Variants in LRP1B observed in about 807,000 individuals in gnomAD.
LRP1B encodes the protein LDL receptor related protein 1B.
In LRP1B, 217 loss-of-function variants were observed where a neutral mutation model predicts 556.6. That is an observed-to-expected ratio of 0.39 (90% CI 0.35 to 0.44). The LOEUF is 0.44. Ranked by LOEUF, LRP1B falls within the 20% of genes least tolerant of loss-of-function variation. The pLI is 1.00. For missense variants in LRP1B, 5,053 were observed against 5,620.8 expected (o/e 0.90, Z 3.23); for synonymous variants, 2,047 against 1,865.8 (o/e 1.10, Z -2.50).
intron 83 of LRP1B, among the ~76,000 whole-genome samples, chr2:140,304,555 G>A (rs1443313971): frequency 1.3e-5 from 2 of 152,130 alleles, no homozygotes; most frequent in South Asian, 2.1e-4. Flanking sequence ...GTGGATTGTA[G>A]CACTTTGTCG....
intron 3 of LRP1B, among the ~76,000 whole-genome samples, chr2:141,426,843 T>C (rs1211264035): frequency 6.6e-6 from 1 of 152,226 alleles, no homozygotes; most frequent in Admixed American, 6.5e-5. Context: ...TTTATTTTCT[T>C]ATTAGATTTT....
chr2:140,353,908 T>C (rs1437263215), intron 75 of LRP1B, among the ~76,000 whole-genome samples: 1 of 152,032 alleles, frequency 6.6e-6, no homozygotes, highest in Non-Finnish European at 1.5e-5. Context: ...GGTTATGTGA[T>C]GTGAATTAAG....
intron 3 of LRP1B, among the ~76,000 whole-genome samples, chr2:141,377,203 T>G (rs2104879520): frequency 6.6e-6 from 1 of 152,260 alleles, no homozygotes; most frequent in Non-Finnish European, 1.5e-5. Context: ...TCCAAATTTG[T>G]TTCCCGATCA....
chr2:141,142,271 TA>T (rs754994712), intron 7 of LRP1B, among the ~76,000 whole-genome samples: 7 of 152,160 alleles, frequency 4.6e-5, no homozygotes, highest in African/African-American at 1.2e-4. Context: ...TCTAGACTCT[TA>T]GACAAAACAC....
intron 1 of LRP1B, among the ~76,000 whole-genome samples, chr2:141,912,428 A>G (rs1046735890): frequency 6.6e-6 from 1 of 152,160 alleles, no homozygotes; most frequent in African/African-American, 2.4e-5. Context: ...TATCGCAGCA[A>G]AAGGGGTCGA....
intron 15 of LRP1B, among the ~76,000 whole-genome samples, chr2:141,005,061 A>G (rs1261361961): frequency 6.6e-6 from 1 of 152,054 alleles, no homozygotes; most frequent in Non-Finnish European, 1.5e-5. Flanking sequence ...CACTGCTTAT[A>G]GTGAAGTTCT....
chr2:140,881,939 G>T (rs1306506229), intron 25 of LRP1B, among the ~76,000 whole-genome samples: 2 of 152,096 alleles, frequency 1.3e-5, no homozygotes, highest in African/African-American at 2.4e-5. Flanking sequence ...GTTGATCCTA[G>T]CATTGTCAAT....
chr2:141,726,311 G>A lies in LRP1B; in HGVS notation c.205+83968C>T, dbSNP rs569394378. On this transcript the variant is annotated intron_variant, in intron 2 of 90. Coordinates refer to ENST00000389484, the MANE Select transcript of LRP1B (RefSeq NM_018557.3). ...TAATTATTATAATCTCTGGGTAAGA[G>A]GTAATTTTAAAAAAAAATTATTTTG... Among the ~76,000 whole-genome samples the A allele has an allele frequency of 1.1e-4, 17 of 150,654 alleles. No individual in the cohort carries two copies. The East Asian group carries it at 3.3e-3, about 29-fold the overall frequency.
At chr2:141,068,557 C>CAAA (rs564540035) in intron 7 of LRP1B, among the ~76,000 whole-genome samples, 3,184 of 71,498 alleles carry the variant, frequency 0.045, 35 homozygotes, top group Middle Eastern at 0.087. Flanking sequence ...ATGTGGTTGG[C>CAAA]AAAAAAAAAA....
chr2:140,739,664 T>G (rs1349892805), intron 35 of LRP1B, among the ~76,000 whole-genome samples: 2 of 152,194 alleles, frequency 1.3e-5, no homozygotes, highest in Non-Finnish European at 2.9e-5. Context: ...AGATAATATA[T>G]TTGGATATTG....
At position 140,770,888 on chromosome 2, in the gene LRP1B, T is replaced by C; in HGVS notation, c.5619A>G (p.Ser1873=). 2 of 1,554,034 alleles carry C rather than the reference T, an allele frequency of 1.3e-6. No individual in the cohort carries two copies. Among genetic ancestry groups the C allele is most frequent in the Non-Finnish European group, 1.7e-6 (2 of 1,157,754 alleles). The part of the protein sequence containing the change: ...VGYYLQKNRM[S]CQGIESFLMY... ...TTTTTCATGAACTCATACCTTGACATGACATACGGTTCTTTTGGAGATAAT... is the reference window on the plus strand; with the variant it reads ...TTTTTCATGAACTCATACCTTGACACGACATACGGTTCTTTTGGAGATAAT... Residue 1873 remains serine, a synonymous_variant, in exon 34 of 91, where the codon TCA becomes TCG. Transcript: ENST00000389484.
Position 140,331,117 on chromosome 2 carries a change from CAT to C in LRP1B, c.12223+3334_12223+3335del, listed in dbSNP as rs1183274943. 6.6e-5 allele frequency among the ~76,000 whole-genome samples: 10 copies of C among 152,200 alleles called. No homozygotes were observed. In the East Asian group the frequency reaches 1.6e-3, roughly 24 times the overall value. On this transcript the variant is annotated intron_variant, in intron 79 of 90. Transcript: ENST00000389484. ...AATAATTCTATTGTAAAGATACACA[CAT>C]GTGTATGTTCACTGTAGCACTGGTC...
At chr2:141,656,539 C>T (rs1690016286) in intron 2 of LRP1B, among the ~76,000 whole-genome samples, 1 of 152,000 alleles carries the variant, frequency 6.6e-6, no homozygotes, top group Non-Finnish European at 1.5e-5. Context: ...TATTTCTATA[C>T]CTGGTATTGA....
chr2:140,617,890 G>GA (rs1203611607), intron 41 of LRP1B, among the ~76,000 whole-genome samples: 54 of 151,866 alleles, frequency 3.6e-4, no homozygotes, highest in Non-Finnish European at 2.5e-4. Flanking sequence ...ATTCTTTTGA[G>GA]AAAAAATTGA....
intron 2 of LRP1B, among the ~76,000 whole-genome samples, chr2:141,518,050 C>G (rs1254715317): frequency 1.3e-5 from 2 of 151,758 alleles, no homozygotes; most frequent in African/African-American, 4.8e-5. Flanking sequence ...ATTTACAAAA[C>G]TGTGGGAAAG....
intron 2 of LRP1B, among the ~76,000 whole-genome samples, chr2:141,564,370 G>T (rs1201998663): frequency 6.6e-6 from 1 of 152,124 alleles, no homozygotes; most frequent in Non-Finnish European, 1.5e-5. Flanking sequence ...TAGCAAAGCA[G>T]ATGTTCATTG....
At chr2:141,061,925 A>C (rs1699347498) in intron 8 of LRP1B, 126 bp downstream of exon 8, 1 of 718,882 alleles carries the variant, frequency 1.4e-6, no homozygotes, top group Non-Finnish European at 2.4e-6. Flanking sequence ...CAATATAGGA[A>C]ATATACTGTA....
chr2:140,243,093 TA>T (rs1423741245), intron 87 of LRP1B, among the ~76,000 whole-genome samples: 1 of 150,756 alleles, frequency 6.6e-6, no homozygotes, highest in East Asian at 2.0e-4. Context: ...TGACTGTGGA[TA>T]GGGGGCAGTG....
chr2:141,880,955 G>C (rs59980765), intron 1 of LRP1B, among the ~76,000 whole-genome samples: 9,897 of 152,056 alleles, frequency 0.065, 1,068 homozygotes, highest in African/African-American at 0.23. Flanking sequence ...AAAAACTTAG[G>C]AATATTAAAT....
Sources: gnomAD v4.1 joint callset for allele counts (sites outside exome capture counted in the v4.1 genomes callset) on GRCh38, gnomAD v4.1.1 for gene constraint, MANE v1.5 for transcripts, NCBI Gene and HGNC (gene_info 2026-07-23, HGNC 2026-07-21) for gene names.